CSMD1: variants seen among roughly 807,000 people sequenced by gnomAD.
CSMD1 encodes CUB and sushi domain-containing protein 1.
CSMD1 carries 213 observed loss-of-function variants against 417.5 expected under a neutral mutation model. That is an observed-to-expected ratio of 0.51 (90% CI 0.46 to 0.57). The LOEUF is 0.57. Ranked by LOEUF, CSMD1 falls within the 20% of genes least tolerant of loss-of-function variation. The pLI, the probability that CSMD1 is intolerant of heterozygous loss-of-function variation, is 0.00. For synonymous variants in CSMD1, 2,862 were observed against 1,736.8 expected (o/e 1.65, Z -16.11); for missense variants, 6,923 against 4,529.7 (o/e 1.53, Z -15.17).
intron 10 of CSMD1, among the ~76,000 whole-genome samples, chr8:3,548,712 T>C (rs1420003973): frequency 1.4e-5 from 2 of 147,172 alleles, no homozygotes; most frequent in African/African-American, 5.1e-5. Flanking sequence ...CATGGTTTCT[T>C]TTTCCACTCA....
intron 3 of CSMD1, among the ~76,000 whole-genome samples, chr8:4,272,656 C>T (rs1482490471): frequency 2.0e-5 from 3 of 152,176 alleles, no homozygotes; most frequent in East Asian, 1.9e-4. Flanking sequence ...CTTCCTAACA[C>T]TCCAAACCGA....
chr8:3,996,173 G>A (rs183313242), intron 5 of CSMD1, among the ~76,000 whole-genome samples: 9 of 145,686 alleles, frequency 6.2e-5, no homozygotes, highest in East Asian at 6.0e-4. Flanking sequence ...CTAACAAATC[G>A]GCCTCACTTG....
chr8:3,369,021 C>T (rs985580043), intron 19 of CSMD1, among the ~76,000 whole-genome samples: 3 of 152,090 alleles, frequency 2.0e-5, no homozygotes, highest in Non-Finnish European at 4.4e-5. Context: ...TGTTCACATG[C>T]GTATATTCAG....
chr8:3,106,791 A>T (rs937199900), intron 45 of CSMD1, 150 bp from the exon 46 acceptor site: 14 of 511,524 alleles, frequency 2.7e-5, no homozygotes, highest in Admixed American at 1.4e-4. Context: ...TCTTTTAAAA[A>T]TAATACCGTT....
At chr8:3,920,248 T>C (rs1337098032) in intron 5 of CSMD1, among the ~76,000 whole-genome samples, 1 of 152,048 alleles carries the variant, frequency 6.6e-6, no homozygotes, top group Admixed American at 6.6e-5. Flanking sequence ...TTGCCCGGGA[T>C]GCTCTTGAAC....
intron 2 of CSMD1, among the ~76,000 whole-genome samples, chr8:4,603,262 C>A (rs1036773663): frequency 6.6e-6 from 1 of 151,980 alleles, no homozygotes; most frequent in Non-Finnish European, 1.5e-5. Flanking sequence ...GCAAATTTTT[C>A]ATACTCCTTT....
chr8:3,879,446 A>G (rs1019147855), intron 5 of CSMD1, among the ~76,000 whole-genome samples: 5 of 152,148 alleles, frequency 3.3e-5, no homozygotes, highest in Non-Finnish European at 5.9e-5. Context: ...CATTGAGAAC[A>G]ATGTCCCAGG....
intron 3 of CSMD1, among the ~76,000 whole-genome samples, chr8:4,071,875 C>A (rs1158088757): frequency 6.6e-6 from 1 of 152,156 alleles, no homozygotes; most frequent in East Asian, 1.9e-4. Flanking sequence ...CTGTCCTCAG[C>A]TACCCCATTT....
At chr8:4,284,408 C>A (rs2128862341) in intron 3 of CSMD1, among the ~76,000 whole-genome samples, 1 of 111,608 alleles carries the variant, frequency 9.0e-6, no homozygotes, top group South Asian at 3.1e-4. Flanking sequence ...GGTTGTTCTT[C>A]AGGAGAGACA....
At chr8:4,147,231 G>C (rs1273931860) in intron 3 of CSMD1, among the ~76,000 whole-genome samples, 3 of 152,022 alleles carry the variant, frequency 2.0e-5, no homozygotes, top group Non-Finnish European at 1.5e-5. Flanking sequence ...CGCATGATTT[G>C]ACTGCTGCCT....
intron 5 of CSMD1, among the ~76,000 whole-genome samples, chr8:3,775,111 C>T (rs939632766): frequency 6.6e-6 from 1 of 152,198 alleles, no homozygotes; most frequent in African/African-American, 2.4e-5. Flanking sequence ...TGTTTTTAGA[C>T]TGCTGTTGAC....
At chr8:4,742,449 G>A (rs1293704345) in intron 1 of CSMD1, among the ~76,000 whole-genome samples, 6 of 151,942 alleles carry the variant, frequency 3.9e-5, no homozygotes, top group African/African-American at 7.3e-5. Context: ...AAGATTAGAG[G>A]TATTTGGTGT....
At chr8:4,056,856 G>C (rs1340044540) in intron 3 of CSMD1, among the ~76,000 whole-genome samples, 2 of 152,182 alleles carry the variant, frequency 1.3e-5, no homozygotes, top group Admixed American at 6.5e-5. Flanking sequence ...CCCTACAAAG[G>C]ACATGAAGTC....
chr8:3,597,628 CATAT>C (rs1308338579), intron 8 of CSMD1, among the ~76,000 whole-genome samples: 1 of 152,172 alleles, frequency 6.6e-6, no homozygotes, highest in Non-Finnish European at 1.5e-5. Context: ...TTGCCCAGCA[CATAT>C]ACACCATGGA....
chr8:4,972,435 A>T (rs1023517661), intron 1 of CSMD1, among the ~76,000 whole-genome samples: 4 of 152,188 alleles, frequency 2.6e-5, no homozygotes, highest in African/African-American at 4.8e-5. Flanking sequence ...TAATGGTTTT[A>T]TAAGTGTTTG....
At chr8:4,820,421 G>A (rs540913563) in intron 1 of CSMD1, among the ~76,000 whole-genome samples, 2 of 152,220 alleles carry the variant, frequency 1.3e-5, no homozygotes, top group South Asian at 4.2e-4. Flanking sequence ...ATATACACGA[G>A]AGCAAGATTA....
intron 21 of CSMD1, among the ~76,000 whole-genome samples, chr8:3,349,933 TA>T (rs1808292832): frequency 6.9e-6 from 1 of 144,942 alleles, no homozygotes; most frequent in Non-Finnish European, 1.5e-5. Context: ...ATATTATATA[TA>T]ATATATATTA....
chr8:3,957,628 G>C (rs571521633), intron 5 of CSMD1, among the ~76,000 whole-genome samples: 1 of 151,936 alleles, frequency 6.6e-6, no homozygotes, highest in Non-Finnish European at 1.5e-5. Context: ...GGGTTGCAGT[G>C]AACTATAGTC....
At chr8:3,344,804 C>T (rs1191396697) in intron 22 of CSMD1, among the ~76,000 whole-genome samples, 1 of 152,128 alleles carries the variant, frequency 6.6e-6, no homozygotes, top group Non-Finnish European at 1.5e-5. Context: ...GGAGAAAATA[C>T]ATTTAGAAAA....
Sources: allele counts gnomAD v4.1 joint callset (sites outside exome capture counted in the v4.1 genomes callset), GRCh38; gene constraint gnomAD v4.1.1; transcripts MANE v1.5; gene names NCBI Gene and HGNC (gene_info 2026-07-23, HGNC 2026-07-21).